MTAP: variants seen among roughly 807,000 people sequenced by gnomAD.
MTAP encodes the protein S-methyl-5'-thioadenosine phosphorylase.
A neutral mutation model predicts 33.6 loss-of-function variants in MTAP; 33 were observed. The ratio of observed to expected loss-of-function variants is 0.98; its 90% CI spans 0.74 to 1.31. The LOEUF is 1.31. Among genes scored for constraint, MTAP ranks in the 40% most tolerant of loss-of-function variants. The pLI, the probability that MTAP is intolerant of heterozygous loss-of-function variation, is 0.00. For synonymous variants in MTAP, 148 were observed against 125.7 expected, an observed-to-expected ratio of 1.18 and a Z score of -1.19; for missense variants, 367 against 360.0, an observed-to-expected ratio of 1.02 and a Z score of -0.16.
chr9:21,844,317 C>A (rs1188584076), intron 5 of MTAP, among the ~76,000 whole-genome samples: 1 of 152,148 alleles, frequency 6.6e-6, no homozygotes, highest in Non-Finnish European at 1.5e-5. Context: ...AGAACTGGTA[C>A]CAATCTTACT....
At chr9:21,860,047 C>T (rs1825722341) in intron 7 of MTAP, 1 of 152,074 alleles carries the variant, frequency 6.6e-6, no homozygotes. Flanking sequence ...TCCTACTATC[C>T]AAAGAGGACC....
intron 1 of MTAP, among the ~76,000 whole-genome samples, chr9:21,900,829 T>C (rs1818379885): frequency 6.6e-6 from 1 of 152,182 alleles, no homozygotes. Flanking sequence ...CGCAATACTA[T>C]GCAGCCATGA....
At chr9:21,892,043 GAAAT>G (rs1285979764) in intron 1 of MTAP, 2 of 152,106 alleles carry the variant, frequency 1.3e-5, no homozygotes, top group African/African-American at 4.8e-5. Context: ...AAGAAAACGA[GAAAT>G]AAAATCTTTT....
chr9:21,844,254 A>G (rs1050142595), intron 5 of MTAP, among the ~76,000 whole-genome samples: 4 of 152,190 alleles, frequency 2.6e-5, no homozygotes, highest in Non-Finnish European at 5.9e-5. Context: ...TTGCCAACAA[A>G]GAAAACATCC....
chr9:21,862,468 A>C lies in MTAP; in HGVS notation c.*454A>C, dbSNP rs1134869. On this transcript the variant is annotated 3_prime_UTR_variant, in exon 8 of 8. Transcript: ENST00000644715. Reference sequence around the variant, plus strand: ...TCAAAAGACTTAAAAATACGGACGTACTTTGTGCTGGGAACTCTACATCTA... The same window carrying C: ...TCAAAAGACTTAAAAATACGGACGTCCTTTGTGCTGGGAACTCTACATCTA... 1 of 154,402 alleles carries C rather than the reference A, an allele frequency of 6.5e-6. No individual in the cohort carries two copies. The highest frequency in any genetic ancestry group is 1.4e-5 in the Non-Finnish European group (1 of 69,656). The allele number at this position is 154,402 out of a possible 1,614,324, so 9.6% of individuals were successfully genotyped here.
At chr9:21,903,478 A>G (rs970022889) in intron 1 of MTAP, among the ~76,000 whole-genome samples, 2 of 152,104 alleles carry the variant, frequency 1.3e-5, no homozygotes, top group African/African-American at 4.8e-5. Context: ...CATTGCTGCC[A>G]TCTGTCCTAG....
chr9:21,816,786 A>C lies in MTAP; in HGVS notation c.179+14A>C. 1 of 1,600,128 alleles carries C rather than the reference A, an allele frequency of 6.2e-7. No individual in the cohort carries two copies. The highest frequency in any genetic ancestry group is 8.5e-7 in the Non-Finnish European group (1 of 1,173,034). On this transcript the variant is annotated intron_variant, in intron 3 of 7. Transcript: ENST00000644715. ...CCTCCTTGCAAGGTATGGTATTTTA[A>C]GCTTTTTGGATGTTACTACTAAAGG...
chr9:21,818,319 T>TGC, intron 4 of MTAP, 117 bp downstream of exon 4: 1 of 96,692 alleles, frequency 1.0e-5, no homozygotes, highest in Non-Finnish European at 1.5e-5. Context: ...CTCGCTTGCT[T>TGC]TTTTTTTTTT....
chr9:21,850,296 T>C (rs1286630934), intron 5 of MTAP, among the ~76,000 whole-genome samples: 1 of 152,196 alleles, frequency 6.6e-6, no homozygotes, highest in South Asian at 2.1e-4. Context: ...AAGGATAAGT[T>C]GCTGCATTTG....
chr9:21,847,977 T>C (rs1825422334), intron 5 of MTAP, among the ~76,000 whole-genome samples: 1 of 152,160 alleles, frequency 6.6e-6, no homozygotes, highest in African/African-American at 2.4e-5. Context: ...CTGATGAAGC[T>C]GGGGACACTG....
intron 4 of MTAP, among the ~76,000 whole-genome samples, chr9:21,830,242 G>T (rs1478810466): frequency 2.6e-5 from 4 of 152,174 alleles, no homozygotes; most frequent in African/African-American, 9.7e-5. Flanking sequence ...GTTGCACAGG[G>T]ACGAGTTTCC....
intron 1 of MTAP, among the ~76,000 whole-genome samples, chr9:21,927,104 A>G (rs899626606): frequency 1.3e-4 from 20 of 152,212 alleles, no homozygotes; most frequent in African/African-American, 4.6e-4. Flanking sequence ...CTGCCTTCTC[A>G]CAAGCCCTAG....
chr9:21,847,265 A>AT (rs1351222997), intron 5 of MTAP, among the ~76,000 whole-genome samples: 1 of 152,158 alleles, frequency 6.6e-6, no homozygotes, highest in African/African-American at 2.4e-5. Context: ...AATACTTAAT[A>AT]AACTCCCATT....
chr9:21,874,170 C>A (rs953542945), intron 1 of MTAP, among the ~76,000 whole-genome samples: 10 of 152,124 alleles, frequency 6.6e-5, no homozygotes, highest in African/African-American at 2.4e-4. Context: ...ATACAAAGAT[C>A]AATATAATGA....
At chr9:21,927,410 A>G (rs1408741989) in intron 1 of MTAP, among the ~76,000 whole-genome samples, 1 of 152,166 alleles carries the variant, frequency 6.6e-6, no homozygotes. Context: ...ATCACTGACA[A>G]CAGACTGCTA....
In MTAP at chr9:21,862,237, G is replaced by A. The variant is rs1479422662; in HGVS notation, c.*223G>A. On this transcript the variant is annotated 3_prime_UTR_variant, in exon 8 of 8. Transcript: ENST00000644715. ...AAAAGCAAATGACTAGTAAACATGT[G>A]GGAAAAAATATTACATTTTAAGGGG... 1.7e-6 allele frequency: 2 copies of A among 1,150,494 alleles called. No homozygotes were observed. Among genetic ancestry groups the A allele is most frequent in the Non-Finnish European group, 2.2e-6 (2 of 896,644 alleles). 71.3% of individuals were successfully genotyped at this position (1,150,494 alleles called of 1,614,324 possible).
At chr9:21,839,281 T>A (rs544753222) in intron 5 of MTAP, among the ~76,000 whole-genome samples, 1 of 152,168 alleles carries the variant, frequency 6.6e-6, no homozygotes, top group South Asian at 2.1e-4. Context: ...AGTCTTCCTC[T>A]GAAGCACAGA....
chr9:21,896,130 T>C (rs1818288173), intron 1 of MTAP, among the ~76,000 whole-genome samples: 1 of 152,108 alleles, frequency 6.6e-6, no homozygotes, highest in African/African-American at 2.4e-5. Flanking sequence ...CTCAACTACA[T>C]GGAAACTGAA....
rs142558708 is a variant in MTAP, at chr9:21,928,175, TC to T, written c.148-2831del. On this transcript the variant is annotated intron_variant, in intron 1 of 1. Transcript: ENST00000577563. ...GGATGGTACATGTTGGGAGAACTTC[TC>T]CATCTACCTAATGCTTCCCAGTGGA... Among the ~76,000 whole-genome samples the T allele has an allele frequency of 2.3e-4, 35 of 152,322 alleles. No homozygotes were observed. In the East Asian group the frequency reaches 6.2e-3, roughly 27 times the overall value.
Sources: allele counts gnomAD v4.1 joint callset (sites outside exome capture counted in the v4.1 genomes callset), GRCh38; gene constraint gnomAD v4.1.1; transcripts MANE v1.5; gene names NCBI Gene and HGNC (gene_info 2026-07-23, HGNC 2026-07-21).